JMJD1C: variants seen among roughly 807,000 people sequenced by gnomAD.
JMJD1C encodes jumonji domain-containing protein 1C.
A neutral mutation model predicts 245.3 loss-of-function variants in JMJD1C; 31 were observed. The ratio of observed to expected loss-of-function variants is 0.13; its 90% CI spans 0.09 to 0.17. The LOEUF (loss-of-function observed/expected upper bound fraction) is 0.17, where lower values mean the gene tolerates loss of function less well. Among genes scored for constraint, JMJD1C ranks in the 10% least tolerant of loss-of-function variants. The pLI is 1.00. For synonymous variants in JMJD1C, 1,057 were observed against 1,017.4 expected, an observed-to-expected ratio of 1.04 and a Z score of -0.74; for missense variants, 2,691 against 3,000.2, an observed-to-expected ratio of 0.90 and a Z score of 2.41.
chr10:63,295,715 G>T (rs1189660551), intron 2 of JMJD1C, among the ~76,000 whole-genome samples: 4 of 152,054 alleles, frequency 2.6e-5, no homozygotes, highest in African/African-American at 4.8e-5. Flanking sequence ...TGTTATGCAT[G>T]GTAGTTACGC....
intron 1 of JMJD1C, among the ~76,000 whole-genome samples, chr10:63,422,866 T>C (rs897925171): frequency 2.0e-5 from 3 of 152,172 alleles, no homozygotes; most frequent in African/African-American, 7.2e-5. Flanking sequence ...AGATGTATAA[T>C]ATAAAGTTAA....
intron 1 of JMJD1C, among the ~76,000 whole-genome samples, chr10:63,425,352 T>A (rs1377984398): frequency 6.6e-6 from 1 of 151,998 alleles, no homozygotes; most frequent in Non-Finnish European, 1.5e-5. Context: ...CAGTAAAAAA[T>A]TCAGTGGTAG....
At chr10:63,203,162 T>C (rs1444869421) in intron 10 of JMJD1C, 3 of 984,946 alleles carry the variant, frequency 3.0e-6, no homozygotes, top group African/African-American at 1.7e-5. Flanking sequence ...TAATTTTTGC[T>C]TCTAGACAAG....
chr10:63,243,851 ACTTT>A (rs1190344113), intron 3 of JMJD1C, among the ~76,000 whole-genome samples: 6 of 152,134 alleles, frequency 3.9e-5, no homozygotes, highest in Non-Finnish European at 8.8e-5. Flanking sequence ...AGAGAATTGG[ACTTT>A]CTATTTATTT....
In JMJD1C at chr10:63,496,663, ATT is replaced by A. The variant is rs576872485; in HGVS notation, n.113+25073_113+25074del. On this transcript the variant is annotated intron_variant and non_coding_transcript_variant, in intron 1 of 3. Transcript: ENST00000633035. ...ATAGCCTCAGTTTCTGTCCCAAATC[ATT>A]TGTGTCTCCTTCTACAAATGAAGAC... is the stretch of plus-strand genomic sequence containing the variant. Among the ~76,000 whole-genome samples the A allele has an allele frequency of 1.1e-4, 17 of 152,270 alleles. No individual in the cohort carries two copies. The East Asian group carries it at 3.3e-3, about 29-fold the overall frequency.
intron 1 of JMJD1C, among the ~76,000 whole-genome samples, chr10:63,430,807 G>C (rs372813054): frequency 1.2e-4 from 19 of 152,180 alleles, no homozygotes; most frequent in African/African-American, 4.1e-4. Context: ...GCAGTGGCAT[G>C]ATCACAGGTC....
At chr10:63,438,763 G>A (rs750448141) in intron 1 of JMJD1C, among the ~76,000 whole-genome samples, 8 of 152,026 alleles carry the variant, frequency 5.3e-5, no homozygotes, top group Non-Finnish European at 1.0e-4. Context: ...AGACATCTAC[G>A]TGACTAGCTT....
intron 1 of JMJD1C, among the ~76,000 whole-genome samples, chr10:63,485,317 C>T (rs1953960335): frequency 6.6e-6 from 1 of 152,084 alleles, no homozygotes; most frequent in Admixed American, 6.6e-5. Context: ...TCTCCTCTTT[C>T]TATACCTATT....
At chr10:63,352,501 G>C (rs1377520768) in intron 2 of JMJD1C, among the ~76,000 whole-genome samples, 1 of 152,014 alleles carries the variant, frequency 6.6e-6, no homozygotes, top group Admixed American at 6.6e-5. Flanking sequence ...AGCTGGGCGT[G>C]ATGACATGCA....
chr10:63,360,094 G>A (rs896645743), intron 2 of JMJD1C, among the ~76,000 whole-genome samples: 1 of 152,074 alleles, frequency 6.6e-6, no homozygotes, highest in African/African-American at 2.4e-5. Flanking sequence ...AGAATCAATA[G>A]AGGCCAACAG....
chr10:63,248,399 T>TA (rs141266073), intron 3 of JMJD1C, among the ~76,000 whole-genome samples: 1 of 99,244 alleles, frequency 1.0e-5, no homozygotes, highest in Admixed American at 9.4e-5. Context: ...CAGGTGCCTG[T>TA]AAACCCAGCT....
intron 1 of JMJD1C, among the ~76,000 whole-genome samples, chr10:63,451,753 T>C (rs1952083994): frequency 6.6e-6 from 1 of 152,126 alleles, no homozygotes; most frequent in Non-Finnish European, 1.5e-5. Context: ...GAGACAACTG[T>C]ACAGATGAAG....
intron 1 of JMJD1C, among the ~76,000 whole-genome samples, chr10:63,431,019 G>T (rs1420941594): frequency 6.6e-6 from 1 of 152,082 alleles, no homozygotes; most frequent in African/African-American, 2.4e-5. Flanking sequence ...CACTGACTCT[G>T]GCAAAACTAT....
At chr10:63,519,606 T>C (rs1955141466) in intron 1 of JMJD1C, among the ~76,000 whole-genome samples, 1 of 152,156 alleles carries the variant, frequency 6.6e-6, no homozygotes, top group Non-Finnish European at 1.5e-5. Flanking sequence ...AAGTAATAAA[T>C]TATGAGAGCA....
intron 1 of JMJD1C, among the ~76,000 whole-genome samples, chr10:63,486,329 A>T (rs578025593): frequency 2.0e-5 from 3 of 152,110 alleles, no homozygotes; most frequent in African/African-American, 7.2e-5. Context: ...CTGAAGGTGG[A>T]TATGTTAGCA....
intron 3 of JMJD1C, among the ~76,000 whole-genome samples, chr10:63,224,959 G>C (rs1033433828): frequency 1.3e-5 from 2 of 152,012 alleles, no homozygotes; most frequent in African/African-American, 4.8e-5. Context: ...CTACCAGGGA[G>C]GCTGAGGCAG....
At chr10:63,426,623 A>G (rs186145212) in intron 1 of JMJD1C, among the ~76,000 whole-genome samples, 25 of 152,182 alleles carry the variant, frequency 1.6e-4, no homozygotes, top group Admixed American at 1.4e-3. Context: ...GTGAGCCAAG[A>G]TCGCGCCATT....
At position 63,497,173 on chromosome 10, in the gene JMJD1C, T is replaced by TA. The variant is rs1184889114; in HGVS notation, n.113+24564dup. Among the ~76,000 whole-genome samples, 202 of 147,628 alleles carry TA rather than the reference T, an allele frequency of 1.4e-3. 1 individual carries two copies. The highest frequency in any genetic ancestry group is 3.7e-3 in the African/African-American group (150 of 40,386). On this transcript the variant is annotated intron_variant and non_coding_transcript_variant, in intron 1 of 3. Coordinates refer to the JMJD1C transcript ENST00000633035. ...AGAACTTGATTAATCTTAGTTTACT[T>TA]AAAAAAAAAACACCCAAAAGAAATG...
intron 3 of JMJD1C, among the ~76,000 whole-genome samples, chr10:63,227,500 A>T (rs930044743): frequency 6.6e-6 from 1 of 152,230 alleles, no homozygotes; most frequent in African/African-American, 2.4e-5. Context: ...GAAATATCAC[A>T]AAACTGCAGC....
Sources: allele counts gnomAD v4.1 joint callset (sites outside exome capture counted in the v4.1 genomes callset), GRCh38; gene constraint gnomAD v4.1.1; transcripts MANE v1.5; gene names NCBI Gene and HGNC (gene_info 2026-07-23, HGNC 2026-07-21).